COL6A6: variants seen among roughly 807,000 people sequenced by gnomAD.
COL6A6 encodes the protein collagen alpha-6(VI) chain.
In COL6A6, 183 loss-of-function variants were observed where a neutral mutation model predicts 208.6. The ratio of observed to expected loss-of-function variants is 0.88; its 90% confidence interval spans 0.78 to 0.99. COL6A6 has a LOEUF of 0.99. Ranked by LOEUF, COL6A6 falls within the 50% of genes least tolerant of loss-of-function variation. The pLI is 0.00. For missense variants in COL6A6, 2,816 were observed against 2,815.2 expected, an observed-to-expected ratio of 1.00 and a Z score of -0.01; for synonymous variants, 973 against 1,011.8, an observed-to-expected ratio of 0.96 and a Z score of 0.73.
chr3:130,579,823 G>A (rs2107991893), intron 8 of COL6A6, among the ~76,000 whole-genome samples: 1 of 152,274 alleles, frequency 6.6e-6, no homozygotes, highest in Non-Finnish European at 1.5e-5. Flanking sequence ...TTTTTAGGCT[G>A]TTGCATGAGA....
intron 33 of COL6A6, among the ~76,000 whole-genome samples, chr3:130,651,364 T>G (rs1373646016): frequency 1.4e-5 from 2 of 143,092 alleles, no homozygotes; most frequent in Non-Finnish European, 3.0e-5. Context: ...AGGCAGAGGT[T>G]GCAGTGAGCC....
chr3:130,651,389 G>A (rs1430313886), intron 33 of COL6A6, among the ~76,000 whole-genome samples: 1 of 133,162 alleles, frequency 7.5e-6, no homozygotes, highest in Non-Finnish European at 1.5e-5. Context: ...TTGTGCCACT[G>A]CACTCCAGCC....
At chr3:130,582,364 C>A (rs2063445581) in intron 10 of COL6A6, among the ~76,000 whole-genome samples, 1 of 152,068 alleles carries the variant, frequency 6.6e-6, no homozygotes, top group African/African-American at 2.4e-5. Context: ...TCTCTCTCGC[C>A]CCACATTGTC....
intron 10 of COL6A6, among the ~76,000 whole-genome samples, chr3:130,584,382 C>G (rs746916592): frequency 3.3e-5 from 5 of 152,002 alleles, no homozygotes; most frequent in Non-Finnish European, 7.4e-5. Context: ...CTCTTGATAA[C>G]TAAACACCAA....
At chr3:130,588,819 C>G (rs1667380716) in intron 11 of COL6A6, among the ~76,000 whole-genome samples, 1 of 147,278 alleles carries the variant, frequency 6.8e-6, no homozygotes, top group African/African-American at 2.5e-5. Context: ...TTTGCCATAG[C>G]TAAACTGATA....
intron 32 of COL6A6, among the ~76,000 whole-genome samples, chr3:130,645,951 G>A (rs2065451635): frequency 6.6e-6 from 1 of 152,176 alleles, no homozygotes; most frequent in Non-Finnish European, 1.5e-5. Context: ...AGCCTAGTAA[G>A]TGCCAGTATG....
intron 1 of COL6A6, among the ~76,000 whole-genome samples, chr3:130,540,590 A>T (rs937130907): frequency 6.6e-6 from 1 of 152,138 alleles, no homozygotes; most frequent in African/African-American, 2.4e-5. Flanking sequence ...TGCTGCATCT[A>T]TCAACCCATC....
chr3:130,561,442 C>G (rs1398378541), intron 2 of COL6A6, among the ~76,000 whole-genome samples: 1 of 152,180 alleles, frequency 6.6e-6, no homozygotes, highest in Non-Finnish European at 1.5e-5. Flanking sequence ...TTATTTTACC[C>G]ATTATGCCTC....
chr3:130,541,085 A>G (rs1317742079), intron 1 of COL6A6, among the ~76,000 whole-genome samples: 1 of 152,234 alleles, frequency 6.6e-6, no homozygotes, highest in African/African-American at 2.4e-5. Flanking sequence ...TCCAATGTCC[A>G]GAATCTACAA....
chr3:130,661,844 T>G lies in COL6A6; in HGVS notation c.6038T>G (p.Leu2013Trp), dbSNP rs2065940855. 1.2e-6 allele frequency: 2 copies of G among 1,613,768 alleles called. No homozygotes were observed. The highest frequency in any genetic ancestry group is 1.7e-6 in the Non-Finnish European group (2 of 1,179,874). ...GTCACTGGAGACCGGGTGGCCCTAT[T>G]GAGCCATGCTCCCCCCGACTTCCTA... ...TSVTGDRVAL[L>W]SHAPPDFLPN... is the part of the protein sequence containing the mutation. The change falls in exon 35 of 37, where the codon TTG becomes TGG. Residue 2013 changes from leucine to tryptophan, a missense_variant. Leu to Trp is a moderately conservative substitution (Grantham distance 61). Coordinates refer to ENST00000358511, the MANE Select transcript of COL6A6 (RefSeq NM_001102608.3).
chr3:130,658,189 TA>T (rs1326267088), intron 33 of COL6A6, among the ~76,000 whole-genome samples: 3 of 152,166 alleles, frequency 2.0e-5, no homozygotes, highest in African/African-American at 7.2e-5. Context: ...GAGACTTAGG[TA>T]GGGGAGAGGA....
intron 4 of COL6A6, among the ~76,000 whole-genome samples, chr3:130,566,277 C>T (rs917696904): frequency 1.1e-4 from 17 of 152,178 alleles, no homozygotes; most frequent in South Asian, 2.1e-4. Context: ...TGACTAGGAG[C>T]GGGTAAGGAG....
At chr3:130,565,658 T>C in intron 4 of COL6A6, 44 bp downstream of exon 4, 2 of 1,540,492 alleles carry the variant, frequency 1.3e-6, no homozygotes, top group Non-Finnish European at 8.7e-7. Context: ...ATTCTTTTTT[T>C]CTTCTCTTTC....
intron 1 of COL6A6, among the ~76,000 whole-genome samples, chr3:130,528,028 A>G (rs536061908): frequency 6.6e-6 from 1 of 150,808 alleles, no homozygotes. Flanking sequence ...TGAGGTTTCC[A>G]GGAGACAGAC....
In COL6A6 at chr3:130,669,780, T is replaced by C. The variant is rs2066165625; in HGVS notation, c.6596+4684T>C. Among the ~76,000 whole-genome samples, 4 of 152,342 alleles carry C rather than the reference T, an allele frequency of 2.6e-5. No individual in the cohort carries two copies. In the South Asian group the frequency reaches 8.3e-4, roughly 32 times the overall value. On this transcript the variant is annotated intron_variant, in intron 36 of 36. Coordinates refer to ENST00000358511, the MANE Select transcript of COL6A6 (RefSeq NM_001102608.3). ...CAAAACTTAAGAATGTGCATATATA[T>C]TGTATCTTTAGCACGTATGAATATT...
At chr3:130,667,606 A>C (rs903787499) in intron 36 of COL6A6, among the ~76,000 whole-genome samples, 2 of 152,224 alleles carry the variant, frequency 1.3e-5, no homozygotes, top group East Asian at 3.8e-4. Context: ...ACTTGTTAAC[A>C]AAGCTATGAA....
intron 23 of COL6A6, among the ~76,000 whole-genome samples, chr3:130,611,497 A>G (rs965928663): frequency 2.6e-5 from 4 of 152,208 alleles, no homozygotes; most frequent in Non-Finnish European, 5.9e-5. Context: ...TCCATAAAAG[A>G]TAGGACTTTG....
intron 1 of COL6A6, among the ~76,000 whole-genome samples, chr3:130,525,981 A>C (rs1430053440): frequency 8.5e-6 from 1 of 118,084 alleles, no homozygotes; most frequent in African/African-American, 2.8e-5. Context: ...ATAATTCAAC[A>C]AATAGTTATT....
intron 18 of COL6A6, among the ~76,000 whole-genome samples, chr3:130,595,884 T>G (rs1051096511): frequency 6.6e-6 from 1 of 152,162 alleles, no homozygotes; most frequent in Non-Finnish European, 1.5e-5. Context: ...AGTCAAATGG[T>G]TTTCAAAAGT....
Sources: gnomAD v4.1 joint callset for allele counts (sites outside exome capture counted in the v4.1 genomes callset) on GRCh38, gnomAD v4.1.1 for gene constraint, MANE v1.5 for transcripts, NCBI Gene and HGNC (gene_info 2026-07-23, HGNC 2026-07-21) for gene names.